The following TTC28 variants were observed in gnomAD, a reference collection of about 807,000 sequenced individuals.
TTC28 encodes tetratricopeptide repeat protein 28.
In TTC28, 61 loss-of-function variants were observed where a neutral mutation model predicts 198.0. That is an observed-to-expected ratio of 0.31 (90% CI 0.25 to 0.38). TTC28 has a LOEUF of 0.38. Among genes scored for constraint, TTC28 ranks in the 10% least tolerant of loss-of-function variants. The pLI is 1.00. For missense variants in TTC28, 2,678 were observed against 3,164.0 expected (o/e 0.85, Z 3.69); for synonymous variants, 1,171 against 1,297.8 (o/e 0.90, Z 2.10).
chr22:28,001,840 G>C (rs1442355974), intron 14 of TTC28: 6 of 444,594 alleles, frequency 1.3e-5, no homozygotes, highest in Non-Finnish European at 2.5e-5. Context: ...ACCTGAAGTG[G>C]GTTGGAGACC....
intron 2 of TTC28, among the ~76,000 whole-genome samples, chr22:28,551,294 A>G (rs981377539): frequency 6.6e-6 from 1 of 152,176 alleles, no homozygotes; most frequent in Admixed American, 6.5e-5. Flanking sequence ...AAATTCTATT[A>G]GACACTCAAA....
chr22:28,395,033 A>T (rs989740545), intron 2 of TTC28, among the ~76,000 whole-genome samples: 2 of 152,170 alleles, frequency 1.3e-5, no homozygotes, highest in Admixed American at 6.5e-5. Context: ...GAAAGCCTCC[A>T]TACTTTTATC....
intron 5 of TTC28, among the ~76,000 whole-genome samples, chr22:28,167,211 C>G (rs1004754405): frequency 6.6e-6 from 1 of 152,170 alleles, no homozygotes; most frequent in Admixed American, 6.5e-5. Flanking sequence ...GGTCCAGGAC[C>G]AGATGGATTC....
At chr22:28,550,196 A>G (rs2049637498) in intron 2 of TTC28, among the ~76,000 whole-genome samples, 1 of 152,196 alleles carries the variant, frequency 6.6e-6, no homozygotes, top group Non-Finnish European at 1.5e-5. Flanking sequence ...TTGCAGAAGT[A>G]GATGTTAAAT....
At chr22:28,082,267 G>A (rs1941394688) in intron 12 of TTC28, among the ~76,000 whole-genome samples, 1 of 152,006 alleles carries the variant, frequency 6.6e-6, no homozygotes, top group Non-Finnish European at 1.5e-5. Context: ...AATTGCTCTG[G>A]CTAGCACTTC....
chr22:28,413,785 T>C (rs927571120), intron 2 of TTC28, among the ~76,000 whole-genome samples: 1 of 152,168 alleles, frequency 6.6e-6, no homozygotes, highest in African/African-American at 2.4e-5. Context: ...ACCAATGACA[T>C]GGGCTGTGGC....
chr22:28,409,985 G>A (rs577998336), intron 2 of TTC28, among the ~76,000 whole-genome samples: 13 of 151,736 alleles, frequency 8.6e-5, no homozygotes, highest in South Asian at 2.1e-4. Context: ...GCAGCAGCAC[G>A]ATCTCAGTTC....
chr22:28,663,515 C>T (rs1356772309), intron 1 of TTC28, among the ~76,000 whole-genome samples: 1 of 138,988 alleles, frequency 7.2e-6, no homozygotes, highest in Non-Finnish European at 1.6e-5. Context: ...GTTCCCTTTC[C>T]GAGTCAAAGA....
intron 2 of TTC28, among the ~76,000 whole-genome samples, chr22:28,481,521 C>A (rs2048246544): frequency 6.6e-6 from 1 of 152,064 alleles, no homozygotes. Context: ...TTATAATTTA[C>A]AATAGTCTAA....
At chr22:28,528,593 G>A (rs554080703) in intron 2 of TTC28, among the ~76,000 whole-genome samples, 18 of 151,624 alleles carry the variant, frequency 1.2e-4, no homozygotes, top group South Asian at 1.0e-3. Context: ...AAAATTACCC[G>A]GGAATGGTGG....
At chr22:28,498,676 C>G (rs960341437) in intron 2 of TTC28, among the ~76,000 whole-genome samples, 1 of 152,126 alleles carries the variant, frequency 6.6e-6, no homozygotes, top group Non-Finnish European at 1.5e-5. Flanking sequence ...GGAACATGAG[C>G]ACTTTAAGAA....
intron 2 of TTC28, among the ~76,000 whole-genome samples, chr22:28,324,762 G>A (rs1463606826): frequency 6.6e-6 from 1 of 152,124 alleles, no homozygotes; most frequent in Non-Finnish European, 1.5e-5. Flanking sequence ...AGCTATTTAT[G>A]ACAAACCTAC....
chr22:28,098,693 G>A (rs973850857), intron 10 of TTC28, among the ~76,000 whole-genome samples: 2 of 152,088 alleles, frequency 1.3e-5, no homozygotes, highest in Admixed American at 6.5e-5. Context: ...CTTCTTGACT[G>A]TAACCCCCAG....
chr22:27,989,378 C>T (rs1280311641), intron 21 of TTC28, among the ~76,000 whole-genome samples: 17 of 152,182 alleles, frequency 1.1e-4, no homozygotes, highest in African/African-American at 3.6e-4. Context: ...CTCCTAATAA[C>T]ACTTGACCTC....
chr22:28,264,379 C>A (rs1316630396), intron 5 of TTC28, among the ~76,000 whole-genome samples: 3 of 152,074 alleles, frequency 2.0e-5, no homozygotes, highest in African/African-American at 7.2e-5. Context: ...TTATAAATTA[C>A]CCATTCTCGA....
At chr22:28,370,918 T>A (rs1465293355) in intron 2 of TTC28, among the ~76,000 whole-genome samples, 1 of 152,228 alleles carries the variant, frequency 6.6e-6, no homozygotes, top group East Asian at 1.9e-4. Flanking sequence ...AGAATCCAAC[T>A]TTTAAAGAAT....
At chr22:28,277,853 A>G (rs1858162074) in intron 5 of TTC28, among the ~76,000 whole-genome samples, 2 of 152,158 alleles carry the variant, frequency 1.3e-5, no homozygotes, top group South Asian at 4.1e-4. Flanking sequence ...AAAAATCAAG[A>G]AAGTGCAAGC....
intron 2 of TTC28, among the ~76,000 whole-genome samples, chr22:28,575,019 C>G (rs764657852): frequency 3.9e-5 from 6 of 152,174 alleles, no homozygotes; most frequent in Non-Finnish European, 7.4e-5. Context: ...TGTGCAGAAG[C>G]TTTTAACTTG....
chr22:28,371,509 C>CCAAAAAAA (rs2046332447), intron 2 of TTC28, among the ~76,000 whole-genome samples: 1 of 6,102 alleles, frequency 1.6e-4, no homozygotes, highest in Non-Finnish European at 2.9e-4. Context: ...GACCCTGTCT[C>CCAAAAAAA]AAAAAAAAAA....
Sources: gnomAD v4.1 joint callset for allele counts (sites outside exome capture counted in the v4.1 genomes callset) on GRCh38, gnomAD v4.1.1 for gene constraint, MANE v1.5 for transcripts, NCBI Gene and HGNC (gene_info 2026-07-23, HGNC 2026-07-21) for gene names.